Variants in F3 observed in about 807,000 individuals in gnomAD.
F3 encodes the protein tissue factor.
F3 carries 18 observed loss-of-function variants against 33.5 expected under a neutral mutation model. That is an observed-to-expected ratio of 0.54 (90% CI 0.37 to 0.80). F3 has a LOEUF of 0.80. Among genes scored for constraint, F3 ranks in the 30% least tolerant of loss-of-function variants. The pLI, the probability that F3 is intolerant of heterozygous loss-of-function variation, is 0.00. For synonymous variants in F3, 147 were observed against 140.7 expected, an observed-to-expected ratio of 1.05 and a Z score of -0.32; for missense variants, 353 against 362.1, an observed-to-expected ratio of 0.97 and a Z score of 0.20.
chr1:94,539,306 G>A (rs549886814), intron 2 of F3, among the ~76,000 whole-genome samples: 9 of 151,656 alleles, frequency 5.9e-5, no homozygotes, highest in Non-Finnish European at 1.0e-4. Context: ...TGCTGGTTTG[G>A]CAACTACTGT....
intron 5 of F3, among the ~76,000 whole-genome samples, chr1:94,532,088 C>T (rs371527690): frequency 3.2e-4 from 49 of 152,216 alleles, no homozygotes; most frequent in African/African-American, 1.1e-3. Flanking sequence ...AAAACACCTG[C>T]TAATACAAGG....
chr1:94,533,534 T>A (rs1488018585), intron 3 of F3, among the ~76,000 whole-genome samples: 7 of 152,290 alleles, frequency 4.6e-5, no homozygotes, highest in Admixed American at 4.6e-4. Flanking sequence ...AAGGAACAGG[T>A]GAAATTAATT....
intron 1 of F3, 146 bp downstream of exon 1, chr1:94,541,391 G>A: frequency 1.7e-6 from 1 of 601,480 alleles, no homozygotes; most frequent in Non-Finnish European, 2.5e-6. Flanking sequence ...ATTCAAGCCG[G>A]GCTGGGTGAG....
chr1:94,532,238 C>A, intron 5 of F3, 83 bp downstream of exon 5: 1 of 1,360,496 alleles, frequency 7.4e-7, no homozygotes, highest in Non-Finnish European at 1.0e-6. Context: ...GAAGTATATC[C>A]CAGCCCTGAG....
Position 94,536,140 on chromosome 1 carries a change from G to T in F3, c.237C>A (p.Ser79Arg). The T allele has an allele frequency of 6.2e-7, 1 of 1,614,146 alleles. No individual in the cohort carries two copies. Among genetic ancestry groups the T allele is most frequent in the Non-Finnish European group, 8.5e-7 (1 of 1,180,028 alleles). ...CTGTGTCTGTTGTGTAAAAGCATTTGCTTTTCCAATCTCCTGACTTAGTGC... is the reference window on the plus strand; with the variant it reads ...CTGTGTCTGTTGTGTAAAAGCATTTTCTTTTCCAATCTCCTGACTTAGTGC... ...QISTKSGDWK[S>R]KCFYTTDTEC... Residue 79 changes from serine (S) to arginine (R), a missense_variant, in exon 3 of 6, where the codon AGC (serine) becomes AGA (arginine). Ser to Arg is a moderately radical substitution (Grantham distance 110, BLOSUM62 -1). Coordinates refer to ENST00000334047, the MANE Select transcript of F3 (RefSeq NM_001993.5).
rs1040792774 is a variant in F3, at chr1:94,529,540, T to C, written c.*920A>G. ...ATATAGTTAGCTCTCAAATGTTTAA[T>C]GCCACTTAAGTCAGTTAAAGTGCAG... On this transcript the variant is annotated 3_prime_UTR_variant, in exon 6 of 6. Transcript: ENST00000334047. The C allele has an allele frequency of 1.3e-5, 2 of 152,616 alleles. No homozygotes were observed. The highest frequency in any genetic ancestry group is 2.4e-5 in the African/African-American group (1 of 41,440). 9.5% of individuals were successfully genotyped at this position (152,616 alleles called of 1,614,324 possible).
chr1:94,530,209 CA>C lies in F3; in HGVS notation c.*250del. The C allele has an allele frequency of 2.7e-6, 1 of 377,120 alleles. No homozygotes were observed. The highest frequency in any genetic ancestry group is 4.8e-6 in the Non-Finnish European group (1 of 209,392). The allele number at this position is 377,120 out of a possible 1,614,324, so 23.4% of individuals were successfully genotyped here. On this transcript the variant is annotated 3_prime_UTR_variant, in exon 6 of 6. Transcript: ENST00000334047. ...TATATAATCTAAAGCATGTTATGTG[CA>C]AAAGGTGCCATGGTGTTAAAAATTA...
Position 94,533,190 on chromosome 1 carries a change from G to A in F3, c.491C>T (p.Thr164Ile), listed in dbSNP as rs1244542749. Residue 164 changes from threonine to isoleucine, a missense_variant, in exon 4 of 6, where the codon ACT becomes ATT. Physicochemically the swap from Thr to Ile is moderately conservative, Grantham distance 89. Coordinates refer to ENST00000334047, the MANE Select transcript of F3 (RefSeq NM_001993.5). Reference sequence around the variant, plus strand: ...GAAAGTGTTGTTCCTTCTGACTAAAGTCCGTTCATCTTCTACGGTCACATT... The same window carrying A: ...GAAAGTGTTGTTCCTTCTGACTAAAATCCGTTCATCTTCTACGGTCACATT... ...KVNVTVEDER[T>I]LVRRNNTFLS... is the part of the protein sequence containing the mutation. 4 of 1,613,858 alleles carry A rather than the reference G, an allele frequency of 2.5e-6. No homozygotes were observed. Among genetic ancestry groups the A allele is most frequent in the South Asian group, 2.2e-5 (2 of 91,008 alleles).
intron 3 of F3, 86 bp downstream of exon 3, chr1:94,535,879 T>C: frequency 8.1e-7 from 1 of 1,233,364 alleles, no homozygotes; most frequent in Non-Finnish European, 1.2e-6. Flanking sequence ...ATATTTTTAA[T>C]TTTGTAGCCC....
Position 94,532,320 on chromosome 1 carries a change from C to T in F3, c.751+1G>A. 6 of 1,613,752 alleles carry T rather than the reference C, an allele frequency of 3.7e-6. No homozygotes were observed. The highest frequency in any genetic ancestry group is 5.1e-6 in the Non-Finnish European group (6 of 1,179,876). On this transcript the variant is annotated splice_donor_variant, in intron 5 of 5. Coordinates refer to ENST00000334047, the MANE Select transcript of F3 (RefSeq NM_001993.5). LOFTEE classifies it high-confidence loss of function. ...GGCAAATGGCTGGCAGAGCCACTCA[C>T]CTCTGAATTCCCCTTTCTCCTGGCC... is the stretch of plus-strand genomic sequence containing the variant.
intron 5 of F3, among the ~76,000 whole-genome samples, chr1:94,530,807 A>T (rs184026448): frequency 6.6e-6 from 1 of 152,354 alleles, no homozygotes; most frequent in African/African-American, 2.4e-5. Context: ...TTTAATGGGC[A>T]TTTAATAAAC....
intron 2 of F3, 25 bp downstream of exon 2, chr1:94,540,231 AT>A: frequency 6.8e-7 from 1 of 1,462,960 alleles, no homozygotes; most frequent in Admixed American, 1.7e-5. Context: ...AAAGACCTTA[AT>A]TTTCTTTTTC....
intron 2 of F3, among the ~76,000 whole-genome samples, chr1:94,539,788 C>G (rs1192543368): frequency 6.6e-6 from 1 of 152,092 alleles, no homozygotes; most frequent in Non-Finnish European, 1.5e-5. Flanking sequence ...TACCAGATTT[C>G]GATTCATGGA....
intron 5 of F3, among the ~76,000 whole-genome samples, chr1:94,531,733 G>A (rs947996385): frequency 6.6e-6 from 1 of 152,224 alleles, no homozygotes; most frequent in Non-Finnish European, 1.5e-5. Context: ...AGCACTTCCG[G>A]TTAGGGACTG....
chr1:94,534,258 T>G (rs576144676), intron 3 of F3, among the ~76,000 whole-genome samples: 1 of 152,120 alleles, frequency 6.6e-6, no homozygotes, highest in Non-Finnish European at 1.5e-5. Flanking sequence ...ACATGAAAAA[T>G]GTGTGTTAAT....
intron 4 of F3, 106 bp from the exon 5 acceptor site, chr1:94,532,586 A>G: frequency 8.3e-7 from 1 of 1,210,856 alleles, no homozygotes; most frequent in Non-Finnish European, 1.2e-6. Context: ...AAAGCCTACA[A>G]GAACACAGCT....
In F3 at chr1:94,530,534, T is replaced by C. The variant is rs761925773; in HGVS notation, c.814A>G (p.Ile272Val). ...GCCTTTCTACACTTGTGTAGAGATA[T>C]AGCCAGGATGATGACAAGGATGATG... The part of the protein sequence containing the change: ...VVIILVIILA[I>V]SLHKCRKAGV... Residue 272 changes from isoleucine to valine, a missense_variant, in exon 6 of 6, where the codon ATA becomes GTA. By Grantham distance (29) the Ile-to-Val change is conservative. Coordinates refer to ENST00000334047, the MANE Select transcript of F3 (RefSeq NM_001993.5). The C allele has an allele frequency of 4.5e-5, 72 of 1,614,010 alleles. No homozygotes were observed. The highest frequency in any genetic ancestry group is 5.8e-5 in the Non-Finnish European group (69 of 1,180,010).
chr1:94,536,982 G>A (rs553203551), intron 2 of F3, among the ~76,000 whole-genome samples: 1 of 152,228 alleles, frequency 6.6e-6, no homozygotes, highest in East Asian at 1.9e-4. Flanking sequence ...AAGCTCACAG[G>A]CACTAAGCAA....
Position 94,541,613 on chromosome 1 carries a change from C to A in F3, c.24G>T (p.Arg8=), listed in dbSNP as rs1651784989. 6.9e-7 allele frequency: 1 copy of A among 1,456,220 alleles called. No individual in the cohort carries two copies. The allele number at this position is 1,456,220 out of a possible 1,614,324, so 90.2% of individuals were successfully genotyped here. METPAWP[R]VPRPETAVAR... ...CGACGGCGGTCTCGGGGCGCGGGACCCGGGGCCAGGCAGGGGTCTCCATGT... is the reference window on the plus strand; with the variant it reads ...CGACGGCGGTCTCGGGGCGCGGGACACGGGGCCAGGCAGGGGTCTCCATGT... Residue 8 remains arginine, a synonymous_variant, in exon 1 of 6, where the codon CGG becomes CGT. Transcript: ENST00000334047.
Sources: gnomAD v4.1 joint callset for allele counts (sites outside exome capture counted in the v4.1 genomes callset) on GRCh38, gnomAD v4.1.1 for gene constraint, MANE v1.5 for transcripts, NCBI Gene and HGNC (gene_info 2026-07-23, HGNC 2026-07-21) for gene names.